PSMC5: variants seen among roughly 807,000 people sequenced by gnomAD.
PSMC5 encodes the protein 26S proteasome regulatory subunit 8.
A neutral mutation model predicts 49.1 loss-of-function variants in PSMC5; 11 were observed. The ratio of observed to expected loss-of-function variants is 0.22; its 90% CI spans 0.14 to 0.37. The LOEUF (loss-of-function observed/expected upper bound fraction) is 0.37. PSMC5 is among the 10% of genes least tolerant of loss of function. The pLI is 1.00. For missense variants in PSMC5, 229 were observed against 520.9 expected, an observed-to-expected ratio of 0.44 and a Z score of 5.45; for synonymous variants, 206 against 192.2, an observed-to-expected ratio of 1.07 and a Z score of -0.59.
Position 63,830,543 on chromosome 17 carries a change from C to T in PSMC5, c.552+42C>T, listed in dbSNP as rs1426797417. 14 of 1,603,202 alleles carry T rather than the reference C, an allele frequency of 8.7e-6. No individual in the cohort carries two copies. The highest frequency in any genetic ancestry group is 1.7e-5 in the Admixed American group (1 of 58,560). Reference sequence around the variant, plus strand: ...CTCTGAGAGGGCCAAGCTGTACTTACTCCTCCTGCCCCAGCCAGCCCTACT... The same window carrying T: ...CTCTGAGAGGGCCAAGCTGTACTTATTCCTCCTGCCCCAGCCAGCCCTACT... On this transcript the variant is annotated intron_variant, in intron 6 of 11. Transcript: ENST00000310144. This position sits in a 1 kb window ranked among gnomAD's most constrained non-coding sequence, Gnocchi z 4.0.
Position 63,831,201 on chromosome 17 carries a change from G to T in PSMC5, c.845G>T (p.Gly282Val). The change falls in exon 8 of 12, where the codon GGC (glycine) becomes GTC (valine). Residue 282 changes from glycine to valine, a missense_variant. This residue lies in a region of PSMC5 where 121 missense variants were observed against 330.6 expected (regional missense o/e 0.37). Coordinates refer to ENST00000310144, the MANE Select transcript of PSMC5 (RefSeq NM_002805.6). This position sits in a 1 kb window ranked among gnomAD's most constrained non-coding sequence, Gnocchi z 6.3. ...TMLELLNQLD[G>V]FEATKNIKVI... ...CTGGAGTTGCTCAACCAGCTCGACGGCTTTGAGGCCACCAAGAACATCAAG... is the reference window on the plus strand; with the variant it reads ...CTGGAGTTGCTCAACCAGCTCGACGTCTTTGAGGCCACCAAGAACATCAAG... The T allele has an allele frequency of 1.3e-6, 2 of 1,567,298 alleles. No homozygotes were observed. Among genetic ancestry groups the T allele is most frequent in the Non-Finnish European group, 1.7e-6 (2 of 1,155,064 alleles).
intron 3 of PSMC5, 58 bp downstream of exon 3, chr17:63,829,621 T>C (rs2040157424): frequency 4.0e-6 from 6 of 1,499,720 alleles, no homozygotes; most frequent in African/African-American, 1.4e-5. Flanking sequence ...TCTGTCCTTA[T>C]CTCCCTGCAC....
rs372147028 is a variant in PSMC5, at chr17:63,831,716, C to T, written c.1081-8C>T. ...GCAGTGGGGCCTCAATTTCCTTTTC[C>T]TGTTCAGGGCGTGTGCACAGAAGCT... is the stretch of plus-strand genomic sequence containing the variant. On this transcript the variant is annotated splice_region_variant and splice_polypyrimidine_tract_variant and intron_variant, in intron 10 of 11. Transcript: ENST00000310144. This position sits in a 1 kb window ranked among gnomAD's most constrained non-coding sequence, Gnocchi z 6.3. 195 of 1,614,044 alleles carry T rather than the reference C, an allele frequency of 1.2e-4. No homozygotes were observed. The highest frequency in any genetic ancestry group is 1.6e-4 in the Non-Finnish European group (191 of 1,180,036).
intron 1 of PSMC5, chr17:63,827,789 C>G: frequency 7.0e-7 from 1 of 1,430,556 alleles, no homozygotes; most frequent in South Asian, 1.5e-5. Context: ...GGAGACGGGA[C>G]GCCAGTCCTT....
At position 63,829,515 on chromosome 17, in the gene PSMC5, C is replaced by G; in HGVS notation, c.118C>G (p.Gln40Glu). 1 of 1,555,422 alleles carries G rather than the reference C, an allele frequency of 6.4e-7. No homozygotes were observed. Residue 40 changes from glutamine to glutamate, a missense_variant, in exon 3 of 12, where the codon CAA becomes GAA. Gln to Glu is a conservative substitution (Grantham distance 29). Coordinates refer to ENST00000310144, the MANE Select transcript of PSMC5 (RefSeq NM_002805.6). ...ACAGCTGATTGTGAATGATAAGAGC[C>G]AAAACCTCCGGAGGCTGCAGGCACA... ...ELQLIVNDKS[Q>E]NLRRLQAQRN...
intron 2 of PSMC5, 105 bp downstream of exon 2, chr17:63,828,314 C>A: frequency 1.8e-6 from 2 of 1,112,266 alleles, no homozygotes; most frequent in Non-Finnish European, 2.6e-6. Context: ...GAAGAAGCTG[C>A]TGCTTCTCCT....
chr17:63,827,681 C>T, intron 1 of PSMC5, 167 bp downstream of exon 1: 2 of 1,466,986 alleles, frequency 1.4e-6, no homozygotes, highest in South Asian at 2.7e-5. Flanking sequence ...CAGCGCCGCC[C>T]TCGGTGAGTC....
At chr17:63,827,939 A>G in intron 1 of PSMC5, 199 bp from the exon 2 acceptor site, 1 of 1,329,788 alleles carries the variant, frequency 7.5e-7, no homozygotes, top group South Asian at 1.5e-5. Flanking sequence ...CGGCGTTCCC[A>G]TTCTTTTATT....
In PSMC5 at chr17:63,830,053, TG is replaced by T; in HGVS notation, c.265-77del. On this transcript the variant is annotated intron_variant, in intron 4 of 11. Transcript: ENST00000310144. This position sits in a 1 kb window ranked among gnomAD's most constrained non-coding sequence, Gnocchi z 4.0. ...GGTTCTGTGTTCTGTCAAGGTATTG[TG>T]GGATTCTCATAGGTCTTCCTGGGTA... 6.3e-7 allele frequency: 1 copy of T among 1,575,890 alleles called. No individual in the cohort carries two copies. Among genetic ancestry groups the T allele is most frequent in the Non-Finnish European group, 8.6e-7 (1 of 1,157,182 alleles).
At chr17:63,829,592 G>A in intron 3 of PSMC5, 29 bp downstream of exon 3, 1 of 1,550,796 alleles carries the variant, frequency 6.4e-7, no homozygotes, top group Non-Finnish European at 8.7e-7. Flanking sequence ...GAAGCCGCAT[G>A]TGGGCAGTTT....
chr17:63,830,911 C>T lies in PSMC5; in HGVS notation c.655C>T (p.Leu219=), dbSNP rs968719. 0.63 allele frequency: 1,023,243 copies of T among 1,613,114 alleles called. 329,422 individuals are homozygous for T. Among genetic ancestry groups the T allele is most frequent in the African/African-American group, 0.92 (69,184 of 74,906 alleles). Residue 219 remains leucine (L), a synonymous_variant, in exon 7 of 12, where the codon CTG becomes TTG. Transcript: ENST00000310144. The surrounding 1 kb of genome is among the most constrained non-coding windows in gnomAD (Gnocchi z 4.0). ...CTFIRVSGSE[L]VQKFIGEGAR... ...CTTTATTCGTGTCTCTGGCTCTGAA[C>T]TGGTACAGAAATTCATAGGGGAAGG...
rs766600542 is a variant in PSMC5, at chr17:63,831,242, C to T, written c.870+16C>T. ...GAACATCAAGGTAAGGTGGTAGCAT[C>T]CTTGGGATGGGCCCAGGGAAGGCCT... On this transcript the variant is annotated intron_variant, in intron 8 of 11. Coordinates refer to ENST00000310144, the MANE Select transcript of PSMC5 (RefSeq NM_002805.6). This position sits in a 1 kb window ranked among gnomAD's most constrained non-coding sequence, Gnocchi z 6.3. 1 of 1,596,184 alleles carries T rather than the reference C, an allele frequency of 6.3e-7. No individual in the cohort carries two copies. The highest frequency in any genetic ancestry group is 8.6e-7 in the Non-Finnish European group (1 of 1,168,890).
intron 2 of PSMC5, chr17:63,829,258 G>A: frequency 2.2e-6 from 1 of 446,356 alleles, no homozygotes; most frequent in Non-Finnish European, 4.0e-6. Context: ...ATTAGATTCT[G>A]TTACTCCTGG....
At position 63,831,906 on chromosome 17, in the gene PSMC5, C is replaced by G. The variant is rs1352824163; in HGVS notation, c.1168-10C>G. On this transcript the variant is annotated splice_polypyrimidine_tract_variant and intron_variant, in intron 11 of 11. Coordinates refer to ENST00000310144, the MANE Select transcript of PSMC5 (RefSeq NM_002805.6). This position sits in a 1 kb window ranked among gnomAD's most constrained non-coding sequence, Gnocchi z 6.3. ...CGTAACTTAATGTTCATTCTCTCTC[C>G]CACCCCTAGGTCATGCAGAAGGACA... 1 of 1,613,756 alleles carries G rather than the reference C, an allele frequency of 6.2e-7. No individual in the cohort carries two copies.
chr17:63,830,589 G>GGGATA lies in PSMC5; in HGVS notation c.552+91_552+95dup. ...CTACTGCAGGGGTTGGGGAGGCACC[G>GGGATA]GGATAGGCTGCATCTTGCTTGGGCT... is the stretch of plus-strand genomic sequence containing the variant. On this transcript the variant is annotated intron_variant, in intron 6 of 11. Coordinates refer to ENST00000310144, the MANE Select transcript of PSMC5 (RefSeq NM_002805.6). The surrounding 1 kb of genome is among the most constrained non-coding windows in gnomAD (Gnocchi z 4.0). 1 of 1,537,666 alleles carries GGGATA rather than the reference G, an allele frequency of 6.5e-7. No individual in the cohort carries two copies.
Position 63,831,943 on chromosome 17 carries a change from A to G in PSMC5, c.1195A>G (p.Met399Val), listed in dbSNP as rs1404956738. The change falls in exon 12 of 12, where the codon ATG becomes GTG. Residue 399 changes from methionine to valine, a missense_variant. Physicochemically the swap from Met to Val is conservative, Grantham distance 21. Around this residue, in one of 4 missense-constraint regions of PSMC5, gnomAD observed 121 missense variants for 330.6 expected, o/e 0.37. Transcript: ENST00000310144. This position sits in a 1 kb window ranked among gnomAD's most constrained non-coding sequence, Gnocchi z 6.3. ...KVMQKDSEKN[M>V]SIKKLWK ...CATGCAGAAGGACAGTGAGAAAAAC[A>G]TGTCCATCAAGAAATTATGGAAGTG... 1.2e-6 allele frequency: 2 copies of G among 1,613,966 alleles called. No homozygotes were observed. The highest frequency in any genetic ancestry group is 1.7e-6 in the Non-Finnish European group (2 of 1,179,936).
At chr17:63,828,833 C>G (rs1301890987) in intron 2 of PSMC5, 1 of 153,938 alleles carries the variant, frequency 6.5e-6, no homozygotes, top group Non-Finnish European at 1.4e-5. Flanking sequence ...TTACGGTAGG[C>G]TGTTAGTAGT....
intron 1 of PSMC5, chr17:63,827,763 C>T (rs2040127828): frequency 2.1e-6 from 3 of 1,431,806 alleles, no homozygotes; most frequent in Non-Finnish European, 1.8e-6. Flanking sequence ...CGGGAATGGC[C>T]GGCCCACGGG....
chr17:63,828,155 G>T lies in PSMC5; in HGVS notation c.42G>T (p.Gly14=). 1 of 1,614,164 alleles carries T rather than the reference G, an allele frequency of 6.2e-7. No homozygotes were observed. Among genetic ancestry groups the T allele is most frequent in the Non-Finnish European group, 8.5e-7 (1 of 1,180,036 alleles). Residue 14 remains glycine, a synonymous_variant, in exon 2 of 12, where the codon GGG becomes GGT. Coordinates refer to ENST00000310144, the MANE Select transcript of PSMC5 (RefSeq NM_002805.6). The part of the protein sequence containing the change: ...DGPEQMELEE[G]KAGSGLRQYY... ...GTCTTCAGATGGAGCTGGAGGAGGG[G>T]AAGGCAGGCAGCGGACTCCGCCAAT...
Sources: allele counts gnomAD v4.1 joint callset, GRCh38; gene constraint gnomAD v4.1.1; regional missense constraint gnomAD v4.1.1; non-coding constraint Gnocchi (gnomAD v3.1); transcripts MANE v1.5; gene names NCBI Gene and HGNC (gene_info 2026-07-23, HGNC 2026-07-21).